The following AIM2 variants were observed in gnomAD, a reference collection of about 807,000 sequenced individuals.
The protein encoded by AIM2 is absent in melanoma 2.
A neutral mutation model predicts 27.7 loss-of-function variants in AIM2; 30 were observed. The ratio of observed to expected loss-of-function variants is 1.08; its 90% CI spans 0.81 to 1.47. The LOEUF (loss-of-function observed/expected upper bound fraction) is 1.47, where lower values mean the gene tolerates loss of function less well. Ranked by LOEUF, AIM2 falls within the 40% of genes most tolerant of loss-of-function variation. The pLI is 0.00. For missense variants in AIM2, 358 were observed against 411.3 expected (o/e 0.87, Z 1.12); for synonymous variants, 141 against 145.3 (o/e 0.97, Z 0.21).
Position 159,114,744 on chromosome 1 carries a change from C to T in AIM2, c.-16+25687G>A, listed in dbSNP as rs1570972587. Among the ~76,000 whole-genome samples, 4 of 152,284 alleles carry T rather than the reference C, an allele frequency of 2.6e-5. No individual in the cohort carries two copies. The East Asian group carries it at 7.7e-4, about 29-fold the overall frequency. The stretch of plus-strand genomic sequence containing the variant: ...CAATATCATACTGAATGGGCAAAAA[C>T]TGGAAGCATTCCCTTTGAAAACTGG... On this transcript the variant is annotated intron_variant, in intron 1 of 2. Transcript: ENST00000368129.
At chr1:159,124,317 A>ATTT (rs1647625489) in intron 1 of AIM2, among the ~76,000 whole-genome samples, 2 of 152,246 alleles carry the variant, frequency 1.3e-5, no homozygotes, top group African/African-American at 4.8e-5. Context: ...CCAAGATGAA[A>ATTT]ATGTTTTTTA....
downstream of AIM2, among the ~76,000 whole-genome samples, chr1:159,057,993 G>T (rs924742074): frequency 6.6e-6 from 1 of 152,180 alleles, no homozygotes; most frequent in Non-Finnish European, 1.5e-5. Context: ...TCAAATGCCT[G>T]TGAGTTGAGT....
chr1:159,134,450 T>C (rs1343620976), intron 1 of AIM2, among the ~76,000 whole-genome samples: 1 of 152,250 alleles, frequency 6.6e-6, no homozygotes, highest in African/African-American at 2.4e-5. Context: ...TTACAGGGAA[T>C]ACAAGGCCCT....
Position 159,068,633 on chromosome 1 carries a change from A to T in AIM2, c.331T>A (p.Ser111Thr). 1 of 1,613,880 alleles carries T rather than the reference A, an allele frequency of 6.2e-7. No homozygotes were observed. Among genetic ancestry groups the T allele is most frequent in the Non-Finnish European group, 8.5e-7 (1 of 1,179,826 alleles). Residue 111 changes from serine (S) to threonine (T), a missense_variant, in exon 3 of 6, where the codon TCT (serine) becomes ACT (threonine). Coordinates refer to ENST00000368130, the MANE Select transcript of AIM2 (RefSeq NM_004833.3). ...GCGACATCATTTCTGATGGCTGCAG[A>T]TGCAGCAGGACTCATTTCAGCTTGA... is the stretch of plus-strand genomic sequence containing the variant. ...LSQAEMSPAA[S>T]AAIRNDVAKQ... is the part of the protein sequence containing the mutation.
chr1:159,142,116 C>A (rs183711226), upstream of AIM2, among the ~76,000 whole-genome samples: 46 of 152,268 alleles, frequency 3.0e-4, no homozygotes, highest in Non-Finnish European at 5.3e-4. Context: ...CAGACAGGGG[C>A]TGGGCAACGC....
intron 1 of AIM2, among the ~76,000 whole-genome samples, chr1:159,105,208 G>T (rs1049676725): frequency 6.6e-6 from 1 of 152,264 alleles, no homozygotes; most frequent in Non-Finnish European, 1.5e-5. Context: ...CCAGGCGCCA[G>T]CATAGGCACT....
At chr1:159,071,442 G>C (rs969397380) in intron 2 of AIM2, among the ~76,000 whole-genome samples, 1 of 152,236 alleles carries the variant, frequency 6.6e-6, no homozygotes, top group Non-Finnish European at 1.5e-5. Flanking sequence ...TCCGTGGATA[G>C]AATTTTAGAG....
intron 1 of AIM2, among the ~76,000 whole-genome samples, chr1:159,085,942 A>G (rs1360192334): frequency 6.6e-6 from 1 of 152,236 alleles, no homozygotes; most frequent in Non-Finnish European, 1.5e-5. Context: ...GAGGTGGCAG[A>G]CATGTTTATT....
rs12023242 is a variant in AIM2 at position 159,114,232 on chromosome 1, G to A, written c.-16+26199C>T. Among the ~76,000 whole-genome samples, 1,626 of 152,264 alleles carry A rather than the reference G, an allele frequency of 0.011. 50 individuals carry two copies. The East Asian group carries it at 0.12, about 12-fold the overall frequency. ...AAGGGACTATGCTGAGGAGTCATGA[G>A]GGACAAGCCAACAGAATGCAAATAA... On this transcript the variant is annotated intron_variant, in intron 1 of 2. Transcript: ENST00000368129.
intron 1 of AIM2, among the ~76,000 whole-genome samples, chr1:159,084,828 C>T (rs989968163): frequency 6.9e-6 from 1 of 144,902 alleles, no homozygotes; most frequent in Non-Finnish European, 1.5e-5. Flanking sequence ...CAGACACACA[C>T]ACACATCCCT....
upstream of AIM2, among the ~76,000 whole-genome samples, chr1:159,079,855 G>T (rs145854089): frequency 6.6e-6 from 1 of 152,090 alleles, no homozygotes; most frequent in East Asian, 1.9e-4. Context: ...TCTCTCTCCC[G>T]ACAAATCCTG....
At chr1:159,129,004 TA>T (rs1315851706) in intron 1 of AIM2, among the ~76,000 whole-genome samples, 1 of 152,192 alleles carries the variant, frequency 6.6e-6, no homozygotes, top group African/African-American at 2.4e-5. Flanking sequence ...GCCCAGGTTT[TA>T]ACATTTAAAA....
intron 1 of AIM2, among the ~76,000 whole-genome samples, chr1:159,118,051 CA>C (rs1179702418): frequency 6.6e-6 from 1 of 152,160 alleles, no homozygotes; most frequent in Admixed American, 6.5e-5. Flanking sequence ...ATCTCTTATA[CA>C]GCCTCAATGC....
intron 4 of AIM2, 130 bp from the exon 5 acceptor site, chr1:159,063,804 CTGT>C (rs571165141): frequency 2.1e-6 from 2 of 961,192 alleles, no homozygotes; most frequent in Non-Finnish European, 3.1e-6. Context: ...CAGATTTTAC[CTGT>C]GCAGGTCCAT....
At chr1:159,124,885 T>C (rs931625124) in intron 1 of AIM2, among the ~76,000 whole-genome samples, 2 of 152,230 alleles carry the variant, frequency 1.3e-5, no homozygotes, top group Non-Finnish European at 2.9e-5. Context: ...CAGGTGCATC[T>C]TAGGTGGTGG....
At chr1:159,062,414 TA>T, downstream of AIM2, 1 of 497,668 alleles carries the variant, frequency 2.0e-6, no homozygotes. Flanking sequence ...AAACATCATA[TA>T]ATACATTGAT....
At chr1:159,101,950 CGTAA>C (rs1657321847) in intron 1 of AIM2, among the ~76,000 whole-genome samples, 2 of 152,210 alleles carry the variant, frequency 1.3e-5, no homozygotes, top group African/African-American at 4.8e-5. Flanking sequence ...CAGAAATTTG[CGTAA>C]GTAATGAGAA....
chr1:159,063,385 T>C (rs1178318074), intron 5 of AIM2, 101 bp downstream of exon 5: 4 of 1,132,850 alleles, frequency 3.5e-6, no homozygotes, highest in Non-Finnish European at 5.0e-6. Context: ...ATCAATGTCT[T>C]CCACTCTATA....
chr1:159,100,702 A>G (rs1657293971), intron 1 of AIM2, among the ~76,000 whole-genome samples: 1 of 152,216 alleles, frequency 6.6e-6, no homozygotes, highest in Non-Finnish European at 1.5e-5. Flanking sequence ...AAGCTTAGTG[A>G]AGAGGAAGCT....
Sources: gnomAD v4.1 joint callset for allele counts (sites outside exome capture counted in the v4.1 genomes callset) on GRCh38, gnomAD v4.1.1 for gene constraint, MANE v1.5 for transcripts, NCBI Gene and HGNC (gene_info 2026-07-23, HGNC 2026-07-21) for gene names.